ADGRA3: variants seen among roughly 807,000 people sequenced by gnomAD.
ADGRA3 encodes G-protein coupled receptor 125.
In ADGRA3, 56 loss-of-function variants were observed where a neutral mutation model predicts 119.8. The observed-to-expected ratio is 0.47, with a 90% CI of 0.38 to 0.58. The LOEUF (loss-of-function observed/expected upper bound fraction) is 0.58, where lower values mean the gene tolerates loss of function less well. ADGRA3 is among the 20% of genes least tolerant of loss of function. The pLI is 0.00. For missense variants in ADGRA3, 1,516 were observed against 1,649.0 expected, an observed-to-expected ratio of 0.92 and a Z score of 1.40; for synonymous variants, 607 against 623.8, an observed-to-expected ratio of 0.97 and a Z score of 0.40.
chr4:22,446,969 C>T (rs373418088), intron 5 of ADGRA3, among the ~76,000 whole-genome samples: 2 of 151,866 alleles, frequency 1.3e-5, no homozygotes, highest in African/African-American at 4.8e-5. Context: ...AAACTGATTT[C>T]ATAAAGTAAG....
intron 3 of ADGRA3, among the ~76,000 whole-genome samples, chr4:22,460,909 C>T (rs1314704422): frequency 6.6e-6 from 1 of 152,206 alleles, no homozygotes; most frequent in African/African-American, 2.4e-5. Flanking sequence ...GATGGAGAGA[C>T]AGTCCTCATG....
At chr4:22,403,805 C>T (rs990182873) in intron 14 of ADGRA3, among the ~76,000 whole-genome samples, 7 of 152,134 alleles carry the variant, frequency 4.6e-5, no homozygotes, top group African/African-American at 1.2e-4. Context: ...GAACATTAGA[C>T]ATTGACTGTG....
At chr4:22,468,471 G>C (rs1011280608) in intron 2 of ADGRA3, among the ~76,000 whole-genome samples, 2 of 152,044 alleles carry the variant, frequency 1.3e-5, no homozygotes, top group Non-Finnish European at 2.9e-5. Flanking sequence ...TCCATAAAAC[G>C]AAGACAGAGA....
At chr4:22,393,022 C>A in intron 16 of ADGRA3, 5 of 170,104 alleles carry the variant, frequency 2.9e-5, no homozygotes, top group Non-Finnish European at 4.9e-5. Flanking sequence ...CATTAGAGTT[C>A]ATTTTCTTTT....
chr4:22,451,776 T>C (rs1469807074), intron 4 of ADGRA3, among the ~76,000 whole-genome samples: 1 of 152,032 alleles, frequency 6.6e-6, no homozygotes, highest in Non-Finnish European at 1.5e-5. Context: ...GCTAGAACAG[T>C]GATCCACTCT....
intron 10 of ADGRA3, among the ~76,000 whole-genome samples, chr4:22,425,857 T>G (rs1442760070): frequency 6.6e-6 from 1 of 152,182 alleles, no homozygotes; most frequent in African/African-American, 2.4e-5. Flanking sequence ...ATCCCAACCC[T>G]GGAACCACGG....
intron 16 of ADGRA3, among the ~76,000 whole-genome samples, chr4:22,398,415 A>C (rs896700169): frequency 1.3e-5 from 2 of 152,126 alleles, no homozygotes; most frequent in African/African-American, 4.8e-5. Context: ...TAATAGTATG[A>C]TAAGTACATA....
chr4:22,510,726 T>C (rs1396794727), intron 1 of ADGRA3, among the ~76,000 whole-genome samples: 2 of 152,138 alleles, frequency 1.3e-5, no homozygotes, highest in East Asian at 1.9e-4. Context: ...TCCCTTCCTT[T>C]AGGCCATGCT....
intron 2 of ADGRA3, among the ~76,000 whole-genome samples, chr4:22,466,711 T>G (rs1431519564): frequency 2.7e-5 from 4 of 147,252 alleles, no homozygotes; most frequent in Non-Finnish European, 4.4e-5. Flanking sequence ...AGACTCCGTC[T>G]CAAAAAAAAA....
chr4:22,409,216 TTTAAACCAGTTGGTCCC>T, intron 14 of ADGRA3, among the ~76,000 whole-genome samples: 1 of 152,310 alleles, frequency 6.6e-6, no homozygotes, highest in African/African-American at 2.4e-5. Context: ...AATACCTCAA[TTTAAACCAGTTGGTCCC>T]TTTGATTATC....
intron 10 of ADGRA3, among the ~76,000 whole-genome samples, chr4:22,428,644 A>G (rs1564135): frequency 0.67 from 101,097 of 151,996 alleles, 34,417 homozygotes; most frequent in Non-Finnish European, 0.74. Context: ...ATGTTCTCCT[A>G]GTTCCAAATT....
rs138178541 is a variant in ADGRA3 at position 22,389,144 on chromosome 4, G to A, written c.2667C>T (p.Cys889=). The A allele has an allele frequency of 1.1e-4, 184 of 1,613,686 alleles. 2 individuals are homozygous for A. The highest frequency in any genetic ancestry group is 8.2e-4 in the Middle Eastern group (5 of 6,078). Reference sequence around the variant, plus strand: ...TAATGTTCGCTGCTGCAGTTATGCCGCAAACAATGATGGGGATACCACCAC... The same window carrying A: ...TAATGTTCGCTGCTGCAGTTATGCCACAAACAATGATGGGGATACCACCAC... ...LIGGGIPIIV[C]GITAAANIKN... Residue 889 remains cysteine, a synonymous_variant, in exon 18 of 19, where the codon TGC becomes TGT. Transcript: ENST00000334304.
intron 4 of ADGRA3, among the ~76,000 whole-genome samples, chr4:22,447,775 G>A (rs1716884258): frequency 6.6e-6 from 1 of 152,050 alleles, no homozygotes; most frequent in Non-Finnish European, 1.5e-5. Context: ...CAAATATCAG[G>A]TGAACCTAAA....
At chr4:22,490,196 T>A (rs373825830) in intron 1 of ADGRA3, among the ~76,000 whole-genome samples, 1 of 152,184 alleles carries the variant, frequency 6.6e-6, no homozygotes, top group African/African-American at 2.4e-5. Flanking sequence ...TTAAGAAAAA[T>A]TGAAGCGTTT....
At chr4:22,504,649 T>G (rs1394003146) in intron 1 of ADGRA3, among the ~76,000 whole-genome samples, 1 of 152,078 alleles carries the variant, frequency 6.6e-6, no homozygotes, top group African/African-American at 2.4e-5. Context: ...AAATGTCTCT[T>G]GATTTCATCG....
rs1714721888 is a variant in ADGRA3, at chr4:22,402,781, G to A, written c.2251C>T (p.Leu751=). 6.2e-7 allele frequency: 1 copy of A among 1,612,250 alleles called. No individual in the cohort carries two copies. Among genetic ancestry groups the A allele is most frequent in the Non-Finnish European group, 8.5e-7 (1 of 1,179,434 alleles). Residue 751 remains leucine (L), a synonymous_variant, in exon 15 of 19, where the codon CTA becomes TTA. Coordinates refer to ENST00000334304, the MANE Select transcript of ADGRA3 (RefSeq NM_145290.4). ...AVLMDLTGSE[L]YTQAASLLHP... is the part of the protein sequence containing the mutation. The stretch of plus-strand genomic sequence containing the variant: ...AGGAGGCTGGCCGCCTGGGTGTATA[G>A]TTCAGATCCCGTCAAATCCTGAGGG...
At chr4:22,450,953 T>A (rs997945638) in intron 4 of ADGRA3, among the ~76,000 whole-genome samples, 18 of 129,154 alleles carry the variant, frequency 1.4e-4, no homozygotes, top group Non-Finnish European at 2.1e-4. Context: ...AAAAAAAAAA[T>A]ATATATATAT....
At chr4:22,438,094 A>T (rs868844934) in intron 8 of ADGRA3, among the ~76,000 whole-genome samples, 162 bp downstream of exon 8, 1 of 152,196 alleles carries the variant, frequency 6.6e-6, no homozygotes, top group South Asian at 2.1e-4. Context: ...CCTTTTGTTC[A>T]TCTCCATATG....
chr4:22,439,651 AT>A (rs1716531519), intron 7 of ADGRA3, among the ~76,000 whole-genome samples: 1 of 152,220 alleles, frequency 6.6e-6, no homozygotes, highest in Admixed American at 6.5e-5. Context: ...AGTTAGAAAA[AT>A]AAACATACTG....
Sources: allele counts gnomAD v4.1 joint callset (sites outside exome capture counted in the v4.1 genomes callset), GRCh38; gene constraint gnomAD v4.1.1; transcripts MANE v1.5; gene names NCBI Gene and HGNC (gene_info 2026-07-23, HGNC 2026-07-21).